CDH16: variants seen among roughly 807,000 people sequenced by gnomAD.
CDH16 encodes cadherin 16.
Under a neutral mutation model 87.6 loss-of-function variants are expected in CDH16, and 79 were observed. The ratio of observed to expected loss-of-function variants is 0.90; its 90% CI spans 0.75 to 1.09. The LOEUF (loss-of-function observed/expected upper bound fraction) is 1.09. CDH16 is among the 50% of genes least tolerant of loss of function. The probability of loss-of-function intolerance (pLI) is 0.00; values close to 1 mark genes in which losing one functional copy is unlikely to be tolerated. For missense variants in CDH16, 1,124 were observed against 1,071.7 expected (o/e 1.05, Z -0.68); for synonymous variants, 457 against 439.5 (o/e 1.04, Z -0.50).
rs748745994 is a variant in CDH16 at position 66,916,418 on chromosome 16, G to C, written c.141C>G (p.Pro47=). 1.2e-6 allele frequency: 2 copies of C among 1,601,626 alleles called. No homozygotes were observed. Among genetic ancestry groups the C allele is most frequent in the Non-Finnish European group, 1.7e-6 (2 of 1,172,222 alleles). Residue 47 remains proline (P), a synonymous_variant, in exon 4 of 18, where the codon CCC becomes CCG. Transcript: ENST00000299752. This position sits in a 1 kb window ranked among gnomAD's most constrained non-coding sequence, Gnocchi z 4.1. ...CGATCTGGCCTTCAGCCCCCTCACG[G>C]GGCAGCGGCAACTGATGGAAATGAA... The part of the protein sequence containing the change: ...FPLYLTKLPL[P]REGAEGQIVL...
rs373758423 is a variant in CDH16 at position 66,915,207 on chromosome 16, C to G, written c.583+13G>C. On this transcript the variant is annotated intron_variant, in intron 6 of 17. Coordinates refer to ENST00000299752, the MANE Select transcript of CDH16 (RefSeq NM_004062.4). Reference sequence around the variant, plus strand: ...CTGACCCTCCCTCCCCAGCACACCCCGCTCGGGCTTACCCTTGGGGCTGAG... The same window carrying G: ...CTGACCCTCCCTCCCCAGCACACCCGGCTCGGGCTTACCCTTGGGGCTGAG... The G allele has an allele frequency of 5.6e-5, 90 of 1,598,356 alleles. No individual in the cohort carries two copies. Among genetic ancestry groups the G allele is most frequent in the Non-Finnish European group, 7.3e-5 (86 of 1,173,764 alleles).
Position 66,916,173 on chromosome 16 carries a change from A to G in CDH16, c.316T>C (p.Leu106=). ...ACAAGCACAGGCTGTGGACCCCACA[A>G]GACATGTCCATCCTGCATCTCCAGG... ...VTLEMQDGHV[L]WGPQPVLVHV... Residue 106 remains leucine (L), a synonymous_variant, in exon 5 of 18, where the codon TTG becomes CTG. Coordinates refer to ENST00000299752, the MANE Select transcript of CDH16 (RefSeq NM_004062.4). This position sits in a 1 kb window ranked among gnomAD's most constrained non-coding sequence, Gnocchi z 4.1. The G allele has an allele frequency of 6.2e-7, 1 of 1,614,260 alleles. No individual in the cohort carries two copies.
chr16:66,916,651 G>T lies in CDH16; in HGVS notation c.130-222C>A, dbSNP rs1238485134. 6.7e-6 allele frequency among the ~76,000 whole-genome samples: 1 copy of T among 148,172 alleles called. No homozygotes were observed. The highest frequency in any genetic ancestry group is 2.5e-5 in the African/African-American group (1 of 40,026). On this transcript the variant is annotated intron_variant, in intron 3 of 17. Transcript: ENST00000299752. This position sits in a 1 kb window ranked among gnomAD's most constrained non-coding sequence, Gnocchi z 4.1. ...AAAACTCTCTGCCCTTCTTTCTGAAGCTTGAAACCTCACCACCGAGATTTC... is the reference window on the plus strand; with the variant it reads ...AAAACTCTCTGCCCTTCTTTCTGAATCTTGAAACCTCACCACCGAGATTTC...
At position 66,909,349 on chromosome 16, in the gene CDH16, G is replaced by A. The variant is rs1339058612; in HGVS notation, c.2310C>T (p.Cys770=). 1 of 1,536,968 alleles carries A rather than the reference G, an allele frequency of 6.5e-7. No individual in the cohort carries two copies. The highest frequency in any genetic ancestry group is 1.7e-5 in the Admixed American group (1 of 57,672). The stretch of plus-strand genomic sequence containing the variant: ...CCTTCATGCGGCCCACCTTGCGCAT[G>A]CACTGCCCCTCCACGTTGCAGCGAC... ...IVCRCNVEGQ[C]MRKVGRMKGM... The change falls in exon 17 of 18, where the codon TGC becomes TGT. Residue 770 remains cysteine (C), a synonymous_variant. Coordinates refer to ENST00000299752, the MANE Select transcript of CDH16 (RefSeq NM_004062.4). The surrounding 1 kb of genome is among the most constrained non-coding windows in gnomAD (Gnocchi z 4.1).
In CDH16 at chr16:66,917,651, G is replaced by T. The variant is rs201909687; in HGVS notation, c.120C>A (p.Tyr40Ter). The change falls in exon 3 of 18, where the codon TAC becomes TAA. Residue 40 changes from tyrosine to a stop codon, truncating the protein, a stop_gained. Transcript: ENST00000299752. LOFTEE classifies it high-confidence loss of function. ...CAGCTCTCCGGCTCACCTTGGTCAG[G>T]TATAAAGGGAAATTTCCACCATAGT... is the stretch of plus-strand genomic sequence containing the variant. ...PENYGGNFPLYLTKLPLPREG... is the reference protein window; with the variant it reads ...PENYGGNFPL The T allele has an allele frequency of 1.2e-5, 19 of 1,612,964 alleles. No individual in the cohort carries two copies. The Admixed American group carries it at 3.2e-4, about 27-fold the overall frequency.
intron 2 of CDH16, 127 bp from the exon 3 acceptor site, chr16:66,917,852 C>T: frequency 1.0e-6 from 1 of 1,001,774 alleles, no homozygotes; most frequent in East Asian, 2.6e-5. Flanking sequence ...CACCCGCGCT[C>T]TGGTCTTTGA....
chr16:66,916,517 G>T lies in CDH16; in HGVS notation c.130-88C>A. On this transcript the variant is annotated intron_variant, in intron 3 of 17. Coordinates refer to ENST00000299752, the MANE Select transcript of CDH16 (RefSeq NM_004062.4). The surrounding 1 kb of genome is among the most constrained non-coding windows in gnomAD (Gnocchi z 4.1). ...CCTGATGGCCTCATTTTACATGTGG[G>T]GAAACTGAGTCTCAGAGACATCTGG... 7.1e-7 allele frequency: 1 copy of T among 1,414,066 alleles called. No homozygotes were observed. The highest frequency in any genetic ancestry group is 2.4e-5 in the East Asian group (1 of 41,802). 87.6% of individuals were successfully genotyped at this position (1,414,066 alleles called of 1,614,324 possible).
At position 66,915,208 on chromosome 16, in the gene CDH16, G is replaced by T; in HGVS notation, c.583+12C>A. On this transcript the variant is annotated intron_variant, in intron 6 of 17. Coordinates refer to ENST00000299752, the MANE Select transcript of CDH16 (RefSeq NM_004062.4). Reference sequence around the variant, plus strand: ...TGACCCTCCCTCCCCAGCACACCCCGCTCGGGCTTACCCTTGGGGCTGAGG... The same window carrying T: ...TGACCCTCCCTCCCCAGCACACCCCTCTCGGGCTTACCCTTGGGGCTGAGG... 1 of 1,597,774 alleles carries T rather than the reference G, an allele frequency of 6.3e-7. No homozygotes were observed. The highest frequency in any genetic ancestry group is 1.1e-5 in the South Asian group (1 of 89,756).
intron 17 of CDH16, among the ~76,000 whole-genome samples, 200 bp from the exon 18 acceptor site, chr16:66,908,689 A>G (rs1192911384): frequency 6.6e-6 from 1 of 152,118 alleles, no homozygotes; most frequent in African/African-American, 2.4e-5. Context: ...TACCCCTCTG[A>G]GGCTGACCCA....
chr16:66,910,299 G>C lies in CDH16; in HGVS notation c.2128C>G (p.Pro710Ala), dbSNP rs1309795190. The change falls in exon 15 of 18, where the codon CCC becomes GCC. Residue 710 changes from proline (P) to alanine (A), a missense_variant. Coordinates refer to ENST00000299752, the MANE Select transcript of CDH16 (RefSeq NM_004062.4). ...GPYSFTLGPNPTVQRDWRLQT... is the reference protein window; with the variant it reads ...GPYSFTLGPNATVQRDWRLQT... ...AGGCGCCAATCCCGTTGCACCGTGG[G>C]GTTGGGACCAAGGGTGAAGCTGTAG... is the stretch of plus-strand genomic sequence containing the variant. 4 of 1,612,852 alleles carry C rather than the reference G, an allele frequency of 2.5e-6. No individual in the cohort carries two copies. The highest frequency in any genetic ancestry group is 2.5e-6 in the Non-Finnish European group (3 of 1,179,348).
At chr16:66,910,922 A>C in intron 14 of CDH16, 1 of 441,182 alleles carries the variant, frequency 2.3e-6, no homozygotes, top group Non-Finnish European at 4.0e-6. Context: ...GAGGCCCTCC[A>C]GTGGCTAAAG....
Position 66,917,869 on chromosome 16 carries a change from C to CA in CDH16, c.46-145dup, listed in dbSNP as rs1231410101. 4.1e-6 allele frequency: 4 copies of CA among 970,812 alleles called. No individual in the cohort carries two copies. The Admixed American group carries it at 9.9e-5, about 24-fold the overall frequency. The allele number at this position is 970,812 out of a possible 1,614,324, so 60.1% of individuals were successfully genotyped here. A position where few individuals can be genotyped will look rare whatever the true frequency, so the allele number is the denominator to read the frequency against. The stretch of plus-strand genomic sequence containing the variant: ...CCCGCGCTCTGGTCTTTGACCTCCT[C>CA]ATCCCACAGTGGCTCTATAGTCCCA... On this transcript the variant is annotated intron_variant, in intron 2 of 17. Transcript: ENST00000299752.
Position 66,908,311 on chromosome 16 carries a change from G to A in CDH16, c.*81C>T, listed in dbSNP as rs1962246520. On this transcript the variant is annotated 3_prime_UTR_variant, in exon 18 of 18. Coordinates refer to ENST00000299752, the MANE Select transcript of CDH16 (RefSeq NM_004062.4). ...CTTCTACTCTGTCCTGTCCCCTGCT[G>A]GATCTTGGGTGCTGGGCTCTCTCCC... is the stretch of plus-strand genomic sequence containing the variant. 6.9e-6 allele frequency: 8 copies of A among 1,154,698 alleles called. No individual in the cohort carries two copies. In the South Asian group the frequency reaches 8.6e-5, roughly 12 times the overall value. 71.5% of individuals were successfully genotyped at this position (1,154,698 alleles called of 1,614,324 possible). A position where few individuals can be genotyped will look rare whatever the true frequency, so the allele number is the denominator to read the frequency against.
Sources: allele counts gnomAD v4.1 joint callset (sites outside exome capture counted in the v4.1 genomes callset), GRCh38; gene constraint gnomAD v4.1.1; non-coding constraint Gnocchi (gnomAD v3.1); transcripts MANE v1.5; gene names NCBI Gene and HGNC (gene_info 2026-07-23, HGNC 2026-07-21).